Variants in ZBTB44 observed in about 807,000 individuals in gnomAD.
ZBTB44 encodes zinc finger and BTB domain-containing protein 44.
A neutral mutation model predicts 54.0 loss-of-function variants in ZBTB44; 15 were observed. The observed-to-expected ratio is 0.28, with a 90% CI of 0.19 to 0.43. ZBTB44 has a LOEUF of 0.43. ZBTB44 is among the 20% of genes least tolerant of loss of function. The pLI, the probability that ZBTB44 is intolerant of heterozygous loss-of-function variation, is 1.00. For missense variants in ZBTB44, 487 were observed against 707.1 expected (o/e 0.69, Z 3.53); for synonymous variants, 230 against 250.1 (o/e 0.92, Z 0.76).
intron 2 of ZBTB44, among the ~76,000 whole-genome samples, chr11:130,253,461 T>A (rs529211919): frequency 3.9e-4 from 60 of 152,226 alleles, no homozygotes; most frequent in Non-Finnish European, 6.6e-4. Flanking sequence ...AGTGAACTCC[T>A]GTTCACAATT....
intron 4 of ZBTB44, 47 bp downstream of exon 4, chr11:130,238,397 A>C (rs182861278): frequency 2.0e-4 from 302 of 1,477,078 alleles, no homozygotes; most frequent in Middle Eastern, 5.3e-4. Flanking sequence ...GCAAAATAAA[A>C]TGTTTTAGAG....
intron 1 of ZBTB44, chr11:130,296,218 A>G (rs1941634021): frequency 1.5e-6 from 2 of 1,293,530 alleles, no homozygotes; most frequent in East Asian, 2.3e-5. Flanking sequence ...AGTGTTGATG[A>G]TGATAAAGCT....
chr11:130,227,532 C>A lies in ZBTB44; in HGVS notation c.*4232G>T, dbSNP rs1482451074. ...TAACTGGCAGGGTAAAAAAGTCCCC[C>A]CGCCCCGACTTCCTTGCTGCCGGGC... On this transcript the variant is annotated 3_prime_UTR_variant, in exon 8 of 8. Coordinates refer to ENST00000357899, the MANE Select transcript of ZBTB44 (RefSeq NM_001301098.2). 1 of 152,182 alleles carries A rather than the reference C, an allele frequency of 6.6e-6. No individual in the cohort carries two copies. The highest frequency in any genetic ancestry group is 2.4e-5 in the African/African-American group (1 of 41,430). The allele number at this position is 152,182 out of a possible 1,614,324, so 9.4% of individuals were successfully genotyped here.
intron 2 of ZBTB44, among the ~76,000 whole-genome samples, chr11:130,249,361 G>A (rs1172970365): frequency 1.3e-5 from 2 of 152,162 alleles, no homozygotes; most frequent in African/African-American, 4.8e-5. Flanking sequence ...AAATAGCTAT[G>A]ATTTCTTGAA....
At chr11:130,260,335 C>G (rs1348688339) in intron 2 of ZBTB44, among the ~76,000 whole-genome samples, 4 of 152,202 alleles carry the variant, frequency 2.6e-5, no homozygotes, top group Non-Finnish European at 5.9e-5. Flanking sequence ...TGGGTAAACT[C>G]TTACTTATTG....
rs1419485387 is a variant in ZBTB44, at chr11:130,261,936, A to G, written c.-56-7T>C. 2.5e-4 allele frequency: 359 copies of G among 1,454,586 alleles called. 1 individual carries two copies. The highest frequency in any genetic ancestry group is 3.5e-5 in the Non-Finnish European group (39 of 1,099,268). The allele number at this position is 1,454,586 out of a possible 1,614,324, so 90.1% of individuals were successfully genotyped here. A position where few individuals can be genotyped will look rare whatever the true frequency, so the allele number is the denominator to read the frequency against. Reference sequence around the variant, plus strand: ...CAAATAAATCAGAAATGTCCTAAAAAATACATAAAATAAAGCATTAATTGA... The same window carrying G: ...CAAATAAATCAGAAATGTCCTAAAAGATACATAAAATAAAGCATTAATTGA... On this transcript the variant is annotated splice_region_variant and splice_polypyrimidine_tract_variant and intron_variant, in intron 1 of 7. Transcript: ENST00000357899. This position sits in a 1 kb window ranked among gnomAD's most constrained non-coding sequence, Gnocchi z 4.8.
At chr11:130,262,938 G>A (rs1207916273) in intron 1 of ZBTB44, among the ~76,000 whole-genome samples, 2 of 152,200 alleles carry the variant, frequency 1.3e-5, no homozygotes, top group East Asian at 1.9e-4. Context: ...GCATGGGCCT[G>A]TAGTCCCAGC....
chr11:130,300,885 G>A (rs1941950763), intron 1 of ZBTB44, among the ~76,000 whole-genome samples: 1 of 152,170 alleles, frequency 6.6e-6, no homozygotes, highest in South Asian at 2.1e-4. Context: ...TAAAAATAGA[G>A]CAAGGGGGTT....
rs571372867 is a variant in ZBTB44 at position 130,277,919 on chromosome 11, T to C, written c.-56-15990A>G. Among the ~76,000 whole-genome samples the C allele has an allele frequency of 2.2e-4, 33 of 152,342 alleles. 1 individual carries two copies. The East Asian group carries it at 6.4e-3, about 29-fold the overall frequency. ...GTTTTCTTCCCTCGTCCTTTGCACA[T>C]TTTGAATATGTTCTCCCAACGCCTT... On this transcript the variant is annotated intron_variant, in intron 1 of 7. Coordinates refer to ENST00000357899, the MANE Select transcript of ZBTB44 (RefSeq NM_001301098.2).
At position 130,261,380 on chromosome 11, in the gene ZBTB44, G is replaced by A. The variant is rs767796370; in HGVS notation, c.494C>T (p.Ser165Leu). 1 of 1,613,938 alleles carries A rather than the reference G, an allele frequency of 6.2e-7. No homozygotes were observed. Among genetic ancestry groups the A allele is most frequent in the South Asian group, 1.1e-5 (1 of 91,082 alleles). The change falls in exon 2 of 8, where the codon TCA (serine) becomes TTA (leucine). Residue 165 changes from serine to leucine, a missense_variant. By Grantham distance (145) the Ser-to-Leu change is moderately radical. Transcript: ENST00000357899. This position sits in a 1 kb window ranked among gnomAD's most constrained non-coding sequence, Gnocchi z 4.8. ...GGTTCTTTCTACCACACTGCACTCT[G>A]AGGACACGGGAGAAATGCTCCCATC... is the stretch of plus-strand genomic sequence containing the variant. ...SRDGSISPVS[S>L]ECSVVERTIP...
intron 1 of ZBTB44, among the ~76,000 whole-genome samples, chr11:130,309,190 C>T (rs887996267): frequency 6.6e-6 from 1 of 152,230 alleles, no homozygotes; most frequent in African/African-American, 2.4e-5. Flanking sequence ...TCTTGCTGAT[C>T]TGCCCGTTGC....
chr11:130,263,005 G>T (rs961435618), intron 1 of ZBTB44, among the ~76,000 whole-genome samples: 2 of 152,214 alleles, frequency 1.3e-5, no homozygotes, highest in African/African-American at 2.4e-5. Context: ...AGGTTGCAGT[G>T]AGCCGAGACT....
intron 1 of ZBTB44, among the ~76,000 whole-genome samples, chr11:130,298,263 T>C (rs1941777333): frequency 6.6e-6 from 1 of 151,822 alleles, no homozygotes; most frequent in African/African-American, 2.4e-5. Context: ...CCACCTTAGC[T>C]TCCTGAATAG....
chr11:130,306,272 G>A (rs1290490787), intron 1 of ZBTB44, among the ~76,000 whole-genome samples: 1 of 152,080 alleles, frequency 6.6e-6, no homozygotes, highest in African/African-American at 2.4e-5. Flanking sequence ...GGAAGCTGAG[G>A]TGGGCGGATC....
chr11:130,250,824 C>T (rs568216348), intron 2 of ZBTB44, among the ~76,000 whole-genome samples: 29 of 152,286 alleles, frequency 1.9e-4, no homozygotes, highest in African/African-American at 5.3e-4. Context: ...GATAAATCCA[C>T]GAAGATGAGG....
chr11:130,312,546 T>C (rs1169250207), intron 1 of ZBTB44, among the ~76,000 whole-genome samples: 1 of 152,032 alleles, frequency 6.6e-6, no homozygotes, highest in Non-Finnish European at 1.5e-5. Context: ...GAAATGACAT[T>C]AGGAGGGCAC....
intron 2 of ZBTB44, among the ~76,000 whole-genome samples, chr11:130,241,242 C>T (rs1316650786): frequency 6.6e-6 from 1 of 152,142 alleles, no homozygotes; most frequent in Non-Finnish European, 1.5e-5. Flanking sequence ...AATGGAATTG[C>T]TAGGTCACTG....
chr11:130,277,778 T>C (rs1251074143), intron 1 of ZBTB44, among the ~76,000 whole-genome samples: 2 of 152,190 alleles, frequency 1.3e-5, no homozygotes, highest in African/African-American at 4.8e-5. Context: ...ATTCCTTTGA[T>C]GTTCCTTGTA....
At chr11:130,278,959 T>A (rs944989382) in intron 1 of ZBTB44, among the ~76,000 whole-genome samples, 34 of 152,190 alleles carry the variant, frequency 2.2e-4, no homozygotes, top group Non-Finnish European at 4.4e-5. Flanking sequence ...CTGCTTTTTT[T>A]CTGGTGCATG....
Sources: gnomAD v4.1 joint callset for allele counts (sites outside exome capture counted in the v4.1 genomes callset) on GRCh38, gnomAD v4.1.1 for gene constraint, Gnocchi (gnomAD v3.1) non-coding constraint, MANE v1.5 for transcripts, NCBI Gene and HGNC (gene_info 2026-07-23, HGNC 2026-07-21) for gene names.